BNC2: variants seen among roughly 807,000 people sequenced by gnomAD.
BNC2 encodes the protein zinc finger protein basonuclin-2.
A neutral mutation model predicts 76.3 loss-of-function variants in BNC2; 20 were observed. That is an observed-to-expected ratio of 0.26 (90% CI 0.18 to 0.38). BNC2 has a LOEUF of 0.38. Ranked by LOEUF, BNC2 falls within the 10% of genes least tolerant of loss-of-function variation. The pLI, the probability that BNC2 is intolerant of heterozygous loss-of-function variation, is 1.00. For missense variants in BNC2, 1,382 were observed against 1,399.8 expected (o/e 0.99, Z 0.20); for synonymous variants, 582 against 514.8 (o/e 1.13, Z -1.77).
intron 1 of BNC2, among the ~76,000 whole-genome samples, chr9:16,769,164 A>T (rs1441210413): frequency 1.3e-5 from 2 of 152,192 alleles, no homozygotes; most frequent in African/African-American, 4.8e-5. Context: ...CCTGGGCCTT[A>T]ACAACTATAT....
At chr9:16,555,515 AGC>A (rs1818802305) in intron 4 of BNC2, among the ~76,000 whole-genome samples, 2 of 152,204 alleles carry the variant, frequency 1.3e-5, no homozygotes, top group African/African-American at 4.8e-5. Flanking sequence ...GTATGAATAC[AGC>A]TGGGCAAGGT....
chr9:16,580,309 T>C (rs1227435478), intron 4 of BNC2, among the ~76,000 whole-genome samples: 3 of 152,132 alleles, frequency 2.0e-5, no homozygotes, highest in African/African-American at 4.8e-5. Context: ...CTTGGGTGTA[T>C]GCATTTTGAG....
intron 3 of BNC2, among the ~76,000 whole-genome samples, chr9:16,588,436 G>A (rs147205686): frequency 3.9e-5 from 6 of 152,080 alleles, no homozygotes; most frequent in African/African-American, 1.4e-4. Context: ...TATTATTTCT[G>A]TTTTACTATT....
intron 5 of BNC2, among the ~76,000 whole-genome samples, chr9:16,515,718 A>G (rs1346844277): frequency 4.4e-5 from 6 of 136,150 alleles, no homozygotes; most frequent in African/African-American, 7.8e-5. Context: ...GTACAATTTG[A>G]AAAAAAAAAA....
chr9:16,734,144 C>G (rs1164419606), intron 2 of BNC2, among the ~76,000 whole-genome samples: 3 of 152,212 alleles, frequency 2.0e-5, no homozygotes, highest in Non-Finnish European at 4.4e-5. Flanking sequence ...TATAGATGAT[C>G]TAGCCAAGCC....
At chr9:16,595,859 C>A (rs561202136) in intron 3 of BNC2, among the ~76,000 whole-genome samples, 1 of 152,112 alleles carries the variant, frequency 6.6e-6, no homozygotes, top group East Asian at 1.9e-4. Flanking sequence ...TGAGCTAACT[C>A]TTGAAAATTA....
chr9:16,477,719 T>C (rs1821957515), intron 5 of BNC2, among the ~76,000 whole-genome samples: 1 of 152,206 alleles, frequency 6.6e-6, no homozygotes, highest in South Asian at 2.1e-4. Context: ...TTTTCTTTTT[T>C]ATCAAAAATT....
intron 3 of BNC2, among the ~76,000 whole-genome samples, chr9:16,617,269 A>G (rs1032343901): frequency 9.2e-5 from 14 of 152,326 alleles, no homozygotes; most frequent in Non-Finnish European, 1.9e-4. Flanking sequence ...ATTATCAGAT[A>G]TATCTTCTTA....
At chr9:16,734,874 T>C (rs1824619836) in intron 2 of BNC2, among the ~76,000 whole-genome samples, 1 of 152,164 alleles carries the variant, frequency 6.6e-6, no homozygotes, top group Admixed American at 6.5e-5. Flanking sequence ...CTTTAAACAG[T>C]GGCACAAACA....
At chr9:16,423,502 A>G (rs576468765) in intron 6 of BNC2, among the ~76,000 whole-genome samples, 1 of 152,332 alleles carries the variant, frequency 6.6e-6, no homozygotes, top group South Asian at 2.1e-4. Flanking sequence ...TCAAGAACAT[A>G]ACTAAATCTT....
At chr9:16,793,311 C>G (rs951944658) in intron 1 of BNC2, among the ~76,000 whole-genome samples, 3 of 152,148 alleles carry the variant, frequency 2.0e-5, no homozygotes, top group African/African-American at 7.2e-5. Context: ...CAACTATAAA[C>G]AGCAGAAACA....
At position 16,420,547 on chromosome 9, in the gene BNC2, A is replaced by G. The variant is rs188293931; in HGVS notation, c.2640-898T>C. ...CTCAGAGGTACAAAAATTAAAACAC[A>G]GTAAGTACAAAAAAATCAAGCACAA... is the stretch of plus-strand genomic sequence containing the variant. On this transcript the variant is annotated intron_variant, in intron 6 of 6. Coordinates refer to ENST00000380672, the MANE Select transcript of BNC2 (RefSeq NM_017637.6). 9.1e-4 allele frequency among the ~76,000 whole-genome samples: 139 copies of G among 152,300 alleles called. 3 individuals are homozygous for G. Among genetic ancestry groups the G allele is most frequent in the Admixed American group, 5.9e-4 (9 of 15,300 alleles).
chr9:16,538,955 A>C (rs958177650), intron 5 of BNC2, among the ~76,000 whole-genome samples: 8 of 152,118 alleles, frequency 5.3e-5, no homozygotes, highest in African/African-American at 1.9e-4. Flanking sequence ...CCTTTCCCTT[A>C]ATTTAGCCTG....
intron 3 of BNC2, among the ~76,000 whole-genome samples, chr9:16,613,313 G>T (rs1427869310): frequency 3.3e-5 from 5 of 152,084 alleles, no homozygotes; most frequent in Non-Finnish European, 5.9e-5. Context: ...CTGTGTTAAA[G>T]AAATAACAAG....
intron 1 of BNC2, among the ~76,000 whole-genome samples, chr9:16,791,092 C>T (rs1227309664): frequency 6.6e-6 from 1 of 151,716 alleles, no homozygotes; most frequent in East Asian, 1.9e-4. Flanking sequence ...GATGGAGTCT[C>T]ACACTGTCGC....
intron 1 of BNC2, among the ~76,000 whole-genome samples, chr9:16,765,785 T>TC (rs57337775): frequency 0.16 from 23,705 of 144,126 alleles, 2,160 homozygotes; most frequent in East Asian, 0.32. Context: ...TCTCGTAATT[T>TC]TTTTTTTTTT....
chr9:16,418,699 T>C lies in BNC2; in HGVS notation c.*290A>G. ...GTGTGTGTGTGTGTGTGTATGTGCATGTGTGTGTGTGTGTGTTTAAAGGGG... is the reference window on the plus strand; with the variant it reads ...GTGTGTGTGTGTGTGTGTATGTGCACGTGTGTGTGTGTGTGTTTAAAGGGG... On this transcript the variant is annotated 3_prime_UTR_variant, in exon 7 of 7. Coordinates refer to ENST00000380672, the MANE Select transcript of BNC2 (RefSeq NM_017637.6). The C allele has an allele frequency of 4.1e-6, 1 of 243,426 alleles. No homozygotes were observed. The allele number at this position is 243,426 out of a possible 1,614,324, so 15.1% of individuals were successfully genotyped here. A position where few individuals can be genotyped will look rare whatever the true frequency, so the allele number is the denominator to read the frequency against.
At chr9:16,708,414 G>C (rs1823740183) in intron 3 of BNC2, among the ~76,000 whole-genome samples, 1 of 152,188 alleles carries the variant, frequency 6.6e-6, no homozygotes, top group South Asian at 2.1e-4. Flanking sequence ...GCTCTGCAGG[G>C]ATTCATTTGG....
chr9:16,744,320 G>C (rs1399005618), intron 1 of BNC2, among the ~76,000 whole-genome samples: 1 of 152,088 alleles, frequency 6.6e-6, no homozygotes, highest in East Asian at 1.9e-4. Context: ...ATGAAAAAGT[G>C]GAACTAAAGG....
Sources: gnomAD v4.1 joint callset for allele counts (sites outside exome capture counted in the v4.1 genomes callset) on GRCh38, gnomAD v4.1.1 for gene constraint, MANE v1.5 for transcripts, NCBI Gene and HGNC (gene_info 2026-07-23, HGNC 2026-07-21) for gene names.